The following KANK2 variants were observed in gnomAD, a reference collection of about 807,000 sequenced individuals.
KANK2 encodes the protein KN motif and ankyrin repeat domains 2.
In KANK2, 41 loss-of-function variants were observed where a neutral mutation model predicts 74.6. The observed-to-expected ratio is 0.55, with a 90% CI of 0.43 to 0.71. KANK2 has a LOEUF of 0.71. Among genes scored for constraint, KANK2 ranks in the 30% least tolerant of loss-of-function variants. The probability of loss-of-function intolerance (pLI) is 0.00; values close to 1 mark genes in which losing one functional copy is unlikely to be tolerated. For synonymous variants in KANK2, 537 were observed against 519.0 expected (o/e 1.03, Z -0.47); for missense variants, 1,148 against 1,196.4 (o/e 0.96, Z 0.60).
At position 11,165,083 on chromosome 19, in the gene KANK2, A is replaced by G. The variant is rs1470049608; in HGVS notation, c.*1475T>C. ...TTGCTCACCAAGGAAAAGGCACAAGAAAGACAATGATGTGGAGATTCTTAG... is the reference window on the plus strand; with the variant it reads ...TTGCTCACCAAGGAAAAGGCACAAGGAAGACAATGATGTGGAGATTCTTAG... On this transcript the variant is annotated 3_prime_UTR_variant, in exon 13 of 13. Transcript: ENST00000586659. 1 of 152,178 alleles carries G rather than the reference A, an allele frequency of 6.6e-6. No homozygotes were observed. The highest frequency in any genetic ancestry group is 1.5e-5 in the Non-Finnish European group (1 of 68,034). 9.4% of individuals were successfully genotyped at this position (152,178 alleles called of 1,614,324 possible).
chr19:11,178,319 TG>T (rs1378648096), intron 6 of KANK2, 25 bp downstream of exon 6: 9 of 471,266 alleles, frequency 1.9e-5, no homozygotes, highest in South Asian at 4.4e-5. Context: ...AAGTATGGGG[TG>T]GGGGGTGGGG....
rs199852344 is a variant in KANK2 at position 11,178,305 on chromosome 19, C to T, written c.1520+40G>A. The T allele has an allele frequency of 2.4e-3, 3,324 of 1,362,982 alleles. 66 individuals carry two copies. The African/African-American group carries it at 0.053, about 22-fold the overall frequency. The allele number at this position is 1,362,982 out of a possible 1,614,324, so 84.4% of individuals were successfully genotyped here. ...CGTGCGTGGATGAATGGAGGAGGGG[C>T]GGGAAGTATGGGGTGGGGGGTGGGG... is the stretch of plus-strand genomic sequence containing the variant. On this transcript the variant is annotated intron_variant, in intron 6 of 12. Transcript: ENST00000586659.
intron 4 of KANK2, among the ~76,000 whole-genome samples, chr19:11,186,255 G>A (rs1399484102): frequency 6.6e-6 from 1 of 151,864 alleles, no homozygotes; most frequent in Non-Finnish European, 1.5e-5. Flanking sequence ...AGGTGTGGTG[G>A]CGGGTGCCTG....
rs116043552 is a variant in KANK2, at chr19:11,194,735, C to T, written c.-79-145G>A. 3,147 of 492,278 alleles carry T rather than the reference C, an allele frequency of 6.4e-3. 96 individuals carry two copies. Among genetic ancestry groups the T allele is most frequent in the African/African-American group, 0.054 (2,753 of 50,748 alleles). 30.5% of individuals were successfully genotyped at this position (492,278 alleles called of 1,614,324 possible). ...CATAGACGCACACCCAGCCTGGCTG[C>T]GGAAGGGCCCCCCCCGACCCCCTCC... On this transcript the variant is annotated intron_variant, in intron 2 of 12. Transcript: ENST00000586659.
intron 4 of KANK2, among the ~76,000 whole-genome samples, chr19:11,184,317 A>G (rs2078614500): frequency 6.7e-6 from 1 of 150,170 alleles, no homozygotes; most frequent in South Asian, 2.1e-4. Flanking sequence ...CAGAGGTTGC[A>G]GTGAGCCGAG....
Position 11,170,344 on chromosome 19 carries a change from G to A in KANK2, c.2212-96C>T. 1 of 938,118 alleles carries A rather than the reference G, an allele frequency of 1.1e-6. No homozygotes were observed. Among genetic ancestry groups the A allele is most frequent in the South Asian group, 1.5e-5 (1 of 66,432 alleles). The allele number at this position is 938,118 out of a possible 1,614,324, so 58.1% of individuals were successfully genotyped here. On this transcript the variant is annotated intron_variant, in intron 10 of 12. Coordinates refer to ENST00000586659, the MANE Select transcript of KANK2 (RefSeq NM_001136191.3). The surrounding 1 kb of genome is among the most constrained non-coding windows in gnomAD (Gnocchi z 5.2). ...TGCTGTAGCTCCCACATACTCTGAT[G>A]GTGAAATGTACCCTCAACTTGCTGA...
chr19:11,191,377 C>T (rs1410289252), intron 4 of KANK2, among the ~76,000 whole-genome samples: 1 of 152,186 alleles, frequency 6.6e-6, no homozygotes, highest in Non-Finnish European at 1.5e-5. Context: ...TGGCTTCTCC[C>T]AGGGACCTCA....
At position 11,174,156 on chromosome 19, in the gene KANK2, TGGCATCTCCTCCATCAGACTGGGAGGGC is replaced by T. The variant is rs1285169924; in HGVS notation, c.2068+289_2068+316del. 5.3e-5 allele frequency among the ~76,000 whole-genome samples: 8 copies of T among 150,014 alleles called. No individual in the cohort carries two copies. The East Asian group carries it at 6.3e-4, about 12-fold the overall frequency. The stretch of plus-strand genomic sequence containing the variant: ...TGTCTCCTCCATCAGCCTGGGAGGG[TGGCATCTCCTCCATCAGACTGGGAGGGC>T]GGCATCTCCTCCATCAGACTGGGAG... On this transcript the variant is annotated intron_variant, in intron 9 of 12. Transcript: ENST00000586659.
Position 11,164,873 on chromosome 19 carries a change from G to T in KANK2, c.*1685C>A, listed in dbSNP as rs2077989131. 6.6e-6 allele frequency: 1 copy of T among 152,148 alleles called. No homozygotes were observed. Among genetic ancestry groups the T allele is most frequent in the Non-Finnish European group, 1.5e-5 (1 of 68,036 alleles). The allele number at this position is 152,148 out of a possible 1,614,324, so 9.4% of individuals were successfully genotyped here. A position where few individuals can be genotyped will look rare whatever the true frequency, so the allele number is the denominator to read the frequency against. The stretch of plus-strand genomic sequence containing the variant: ...CAAGAAACCTACTTTTCTAAGGAGA[G>T]AAACCAGTGCTTTGCCTTCTTTAAT... On this transcript the variant is annotated 3_prime_UTR_variant, in exon 13 of 13. Transcript: ENST00000586659.
rs757031760 is a variant in KANK2 at position 11,193,806 on chromosome 19, T to C, written c.274A>G (p.Ser92Gly). ...TSTESLCSNA[S>G]GDSRHSAYSY... ...TAGGCTGAGTGGCGGCTGTCCCCAC[T>C]GGCATTGGAGCACAGCGACTCAGTG... The change falls in exon 4 of 13, where the codon AGT (serine) becomes GGT (glycine). Residue 92 changes from serine (S) to glycine (G), a missense_variant. Physicochemically the swap from Ser to Gly is moderately conservative, Grantham distance 56. Transcript: ENST00000586659. The surrounding 1 kb of genome is among the most constrained non-coding windows in gnomAD (Gnocchi z 9.6). 1.9e-6 allele frequency: 3 copies of C among 1,612,626 alleles called. No homozygotes were observed. In the Admixed American group the frequency reaches 5.0e-5, roughly 27 times the overall value.
rs747264941 is a variant in KANK2, at chr19:11,193,609, G to A, written c.471C>T (p.Ala157=). 8.8e-6 allele frequency: 14 copies of A among 1,585,666 alleles called. 1 individual carries two copies. The South Asian group carries it at 1.6e-4, about 18-fold the overall frequency. Residue 157 remains alanine, a synonymous_variant, in exon 4 of 13, where the codon GCC becomes GCT. Coordinates refer to ENST00000586659, the MANE Select transcript of KANK2 (RefSeq NM_001136191.3). The surrounding 1 kb of genome is among the most constrained non-coding windows in gnomAD (Gnocchi z 9.6). The part of the protein sequence containing the change: ...SLTPSAAGST[A]SLVGVGLPPP... ...GTGGCAACCCCACGCCCACCAGGGA[G>A]GCTGTCGAGCCGGCCGCACTGGGGG...
At chr19:11,167,097 C>T (rs1019296123) in intron 12 of KANK2, among the ~76,000 whole-genome samples, 1 of 152,124 alleles carries the variant, frequency 6.6e-6, no homozygotes, top group African/African-American at 2.4e-5. Context: ...CAGAGTTTCA[C>T]TCTTGTTGCC....
chr19:11,175,985 C>T lies in KANK2; in HGVS notation c.1765G>A (p.Glu589Lys). The change falls in exon 8 of 13, where the codon GAG becomes AAG. Residue 589 changes from glutamate to lysine, a missense_variant. Glu to Lys is a moderately conservative substitution (Grantham distance 56). Coordinates refer to ENST00000586659, the MANE Select transcript of KANK2 (RefSeq NM_001136191.3). ...GCTGAGATGAGGTCAGGGCTTAGCT[C>T]CATCCTGCCAGGAACAGACAAAGCG... Reference protein sequence around the residue: ...GSNTEEEIRMELSPDLISACL... With the variant: ...GSNTEEEIRMKLSPDLISACL... 6.2e-7 allele frequency: 1 copy of T among 1,612,958 alleles called. No individual in the cohort carries two copies.
intron 12 of KANK2, 122 bp downstream of exon 12, chr19:11,169,755 C>G: frequency 6.4e-6 from 5 of 781,086 alleles, no homozygotes; most frequent in Non-Finnish European, 1.0e-5. Context: ...GAGCCCAGAT[C>G]GTGCCACCGC....
chr19:11,181,078 CTCT>C (rs1234941884), intron 4 of KANK2, among the ~76,000 whole-genome samples: 23 of 96,990 alleles, frequency 2.4e-4, no homozygotes, highest in African/African-American at 9.2e-4. Flanking sequence ...TAGAGCGAGA[CTCT>C]TGTCTCCAAA....
Position 11,178,635 on chromosome 19 carries a change from G to C in KANK2, c.1335C>G (p.Gly445=). ...ASLTQPEKST[G]RVPTQEPTHR... ...GGGTGGGCTCCTGGGTGGGCACTCG[G>C]CCTGTGCTCTTCTCAGGCTGTGTAA... Residue 445 remains glycine (G), a synonymous_variant, in exon 5 of 13, where the codon GGC becomes GGG. Coordinates refer to ENST00000586659, the MANE Select transcript of KANK2 (RefSeq NM_001136191.3). 1 of 1,590,136 alleles carries C rather than the reference G, an allele frequency of 6.3e-7. No individual in the cohort carries two copies.
At chr19:11,190,736 C>CATTATTATTATT (rs199986629) in intron 4 of KANK2, among the ~76,000 whole-genome samples, 10,910 of 151,980 alleles carry the variant, frequency 0.072, 468 homozygotes, top group Admixed American at 0.094. Flanking sequence ...GAACAGCTGT[C>CATTATTATTATT]ATTATTATTG....
chr19:11,175,459 ATTTTT>A (rs906584973), intron 8 of KANK2, among the ~76,000 whole-genome samples: 29 of 147,808 alleles, frequency 2.0e-4, no homozygotes, highest in African/African-American at 7.0e-4. Flanking sequence ...AAAAAAAAGA[ATTTTT>A]TTGTAGAAAT....
rs117099489 is a variant in KANK2, at chr19:11,170,512, G to C, written c.2212-264C>G. 453 of 549,132 alleles carry C rather than the reference G, an allele frequency of 8.2e-4. 5 individuals carry two copies. In the East Asian group the frequency reaches 0.013, roughly 16 times the overall value. 34.0% of individuals were successfully genotyped at this position (549,132 alleles called of 1,614,324 possible). ...GATACAGGTTTCCTTTGGGGGTGAAGAGAACGTTCTGGAACTAGACGGAGG... is the reference window on the plus strand; with the variant it reads ...GATACAGGTTTCCTTTGGGGGTGAACAGAACGTTCTGGAACTAGACGGAGG... On this transcript the variant is annotated intron_variant, in intron 10 of 12. Transcript: ENST00000586659. The surrounding 1 kb of genome is among the most constrained non-coding windows in gnomAD (Gnocchi z 5.2).
Sources: gnomAD v4.1 joint callset for allele counts (sites outside exome capture counted in the v4.1 genomes callset) on GRCh38, gnomAD v4.1.1 for gene constraint, Gnocchi (gnomAD v3.1) non-coding constraint, MANE v1.5 for transcripts, NCBI Gene and HGNC (gene_info 2026-07-23, HGNC 2026-07-21) for gene names.